The following INTS13 variants were observed in gnomAD, a reference collection of about 807,000 sequenced individuals.
INTS13 encodes the protein asunder, spermatogenesis regulator homolog (Drosphila).
A neutral mutation model predicts 90.2 loss-of-function variants in INTS13; 35 were observed. The ratio of observed to expected loss-of-function variants is 0.39; its 90% CI spans 0.30 to 0.51. The LOEUF is 0.51. INTS13 is among the 20% of genes least tolerant of loss of function. INTS13 has a pLI of 0.80. For missense variants in INTS13, 601 were observed against 851.2 expected (o/e 0.71, Z 3.66); for synonymous variants, 309 against 277.1 (o/e 1.11, Z -1.14).
Position 26,914,564 on chromosome 12 carries a change from A to G in INTS13, c.1263T>C (p.Phe421=). The change falls in exon 12 of 17, where the codon TTT becomes TTC. Residue 421 remains phenylalanine, a synonymous_variant. Coordinates refer to ENST00000261191, the MANE Select transcript of INTS13 (RefSeq NM_018164.3). ...AAGGAGTTAATCTGTTTTCCCTCAT[A>G]AATTCACCAAAATCCTAATGATAAC... ...TDYRITDFGE[F]MRENRLTPFL... 2 of 1,609,938 alleles carry G rather than the reference A, an allele frequency of 1.2e-6. No individual in the cohort carries two copies. Among genetic ancestry groups the G allele is most frequent in the Non-Finnish European group, 1.7e-6 (2 of 1,177,850 alleles).
chr12:26,918,773 T>C (rs1458125940), intron 8 of INTS13, among the ~76,000 whole-genome samples: 5 of 152,200 alleles, frequency 3.3e-5, no homozygotes, highest in Non-Finnish European at 7.4e-5. Flanking sequence ...TACAGTGCTA[T>C]GAGTGCCTGT....
intron 5 of INTS13, among the ~76,000 whole-genome samples, 176 bp downstream of exon 5, chr12:26,928,029 A>T (rs932467372): frequency 6.7e-6 from 1 of 150,238 alleles, no homozygotes; most frequent in Non-Finnish European, 1.5e-5. Flanking sequence ...GAGAAAAGTA[A>T]ATTAAAGTGA....
chr12:26,906,508 C>T, intron 15 of INTS13, 71 bp from the exon 16 acceptor site: 1 of 1,445,618 alleles, frequency 6.9e-7, no homozygotes, highest in Non-Finnish European at 9.4e-7. Flanking sequence ...TTCCAAATTT[C>T]CAAACTTACC....
chr12:26,924,985 A>C (rs1172349179), intron 6 of INTS13, among the ~76,000 whole-genome samples: 2 of 152,158 alleles, frequency 1.3e-5, no homozygotes, highest in Non-Finnish European at 2.9e-5. Flanking sequence ...ATAACACAAA[A>C]TCTTACTCAT....
intron 1 of INTS13, among the ~76,000 whole-genome samples, chr12:26,937,194 G>T (rs1483612341): frequency 6.6e-6 from 1 of 152,124 alleles, no homozygotes; most frequent in Non-Finnish European, 1.5e-5. Flanking sequence ...CTTGCTAATT[G>T]ACATTAGTCA....
chr12:26,936,717 C>T lies in INTS13; in HGVS notation c.87G>A (p.Glu29=). 2 of 1,613,996 alleles carry T rather than the reference C, an allele frequency of 1.2e-6. No individual in the cohort carries two copies. Among genetic ancestry groups the T allele is most frequent in the Non-Finnish European group, 1.7e-6 (2 of 1,179,906 alleles). The change falls in exon 2 of 17, where the codon GAG becomes GAA. Residue 29 remains glutamate (E), a synonymous_variant. Coordinates refer to ENST00000261191, the MANE Select transcript of INTS13 (RefSeq NM_018164.3). ...YMAESCRQHV[E]FDMLVKNRTQ... is the part of the protein sequence containing the mutation. ...TTCTATTCTTCACCAGCATATCAAA[C>T]TCGACATGCTGCCTGCAAGATTCTG...
intron 3 of INTS13, among the ~76,000 whole-genome samples, chr12:26,933,413 C>A (rs962009908): frequency 3.3e-5 from 5 of 151,866 alleles, no homozygotes; most frequent in African/African-American, 9.7e-5. Context: ...GCTTTCAGTG[C>A]GAAATTATAA....
At chr12:26,908,981 G>T (rs1391828336) in intron 15 of INTS13, among the ~76,000 whole-genome samples, 1 of 152,114 alleles carries the variant, frequency 6.6e-6, no homozygotes, top group Non-Finnish European at 1.5e-5. Flanking sequence ...TTAAAATTGA[G>T]ATCACAGTAC....
At chr12:26,909,351 A>T (rs1325594834) in intron 15 of INTS13, among the ~76,000 whole-genome samples, 13 of 151,862 alleles carry the variant, frequency 8.6e-5, no homozygotes, top group Non-Finnish European at 1.6e-4. Context: ...ACAAGAGTGG[A>T]CTCCATCTCA....
chr12:26,911,877 C>T (rs1286384632), intron 14 of INTS13, among the ~76,000 whole-genome samples: 2 of 152,134 alleles, frequency 1.3e-5, no homozygotes, highest in African/African-American at 4.8e-5. Flanking sequence ...TTACAGTGAG[C>T]CAGTAGTGTT....
intron 8 of INTS13, among the ~76,000 whole-genome samples, chr12:26,919,689 CAT>C (rs1309519853): frequency 6.6e-6 from 1 of 152,122 alleles, no homozygotes; most frequent in Non-Finnish European, 1.5e-5. Context: ...TTCTGCCTTA[CAT>C]AAATGAACAG....
At chr12:26,929,295 A>G (rs1938058553) in intron 3 of INTS13, among the ~76,000 whole-genome samples, 1 of 152,238 alleles carries the variant, frequency 6.6e-6, no homozygotes, top group South Asian at 2.1e-4. Context: ...ACCTACTGAT[A>G]ACATCATACT....
chr12:26,911,085 T>G, intron 15 of INTS13, 93 bp downstream of exon 15: 1 of 1,393,344 alleles, frequency 7.2e-7, no homozygotes, highest in Non-Finnish European at 9.6e-7. Context: ...TCTGCTTGCC[T>G]CAGCCTCCCA....
chr12:26,934,524 A>G (rs759893726), intron 3 of INTS13, 32 bp downstream of exon 3: 1 of 1,461,476 alleles, frequency 6.8e-7, no homozygotes, highest in Non-Finnish European at 9.5e-7. Context: ...TAGATAATTT[A>G]CAAATGGCCA....
Position 26,922,617 on chromosome 12 carries a change from A to G in INTS13, c.888T>C (p.Ser296=). The G allele has an allele frequency of 6.3e-7, 1 of 1,587,722 alleles. No homozygotes were observed. The highest frequency in any genetic ancestry group is 1.7e-4 in the Middle Eastern group (1 of 5,988). Residue 296 remains serine, a splice_region_variant and synonymous_variant, in exon 8 of 17, where the codon AGT becomes AGC. Coordinates refer to ENST00000261191, the MANE Select transcript of INTS13 (RefSeq NM_018164.3). Reference sequence around the variant, plus strand: ...ATAATACTTTCAAATGTCTCTTACCACTTTTCAGGAAATCTACATGTGCAT... The same window carrying G: ...ATAATACTTTCAAATGTCTCTTACCGCTTTTCAGGAAATCTACATGTGCAT... ...HKDAHVDFLK[S]GDSHLGGGSR...
At chr12:26,937,629 C>G (rs191259944) in intron 1 of INTS13, 167 bp downstream of exon 1, 1 of 152,382 alleles carries the variant, frequency 6.6e-6, no homozygotes, top group Admixed American at 6.5e-5. Context: ...TCAAAACGAA[C>G]TGATTTCTTA....
chr12:26,909,349 G>C (rs1951707206), intron 15 of INTS13, among the ~76,000 whole-genome samples: 2 of 151,924 alleles, frequency 1.3e-5, no homozygotes, highest in Non-Finnish European at 2.9e-5. Flanking sequence ...CAACAAGAGT[G>C]GACTCCATCT....
In INTS13 at chr12:26,913,605, C is replaced by T; in HGVS notation, c.1657G>A (p.Val553Ile). The stretch of plus-strand genomic sequence containing the variant: ...CTGCATGCCATCAGACATTCCAAGA[C>T]TCTTTGATGTTTCTCTGAGTTGTTG... ...HINNSEKHQR[V>I]LECLMACRSK... is the part of the protein sequence containing the mutation. The change falls in exon 14 of 17, where the codon GTC (valine) becomes ATC (isoleucine). Residue 553 changes from valine to isoleucine, a missense_variant. This residue lies in a region of INTS13 where 228 missense variants were observed against 272.5 expected (regional missense o/e 0.84). Transcript: ENST00000261191. The T allele has an allele frequency of 6.2e-7, 1 of 1,614,126 alleles. No individual in the cohort carries two copies. Among genetic ancestry groups the T allele is most frequent in the Non-Finnish European group, 8.5e-7 (1 of 1,180,024 alleles).
rs919723991 is a variant in INTS13, at chr12:26,931,209, G to A, written c.301-2304C>T. On this transcript the variant is annotated intron_variant, in intron 3 of 16. Transcript: ENST00000261191. ...TGTAATCCCAGCCCTTTGGGAGGCCGAGGCAGGCAGATCGCTTGAGGTTAG... is the reference window on the plus strand; with the variant it reads ...TGTAATCCCAGCCCTTTGGGAGGCCAAGGCAGGCAGATCGCTTGAGGTTAG... Among the ~76,000 whole-genome samples the A allele has an allele frequency of 1.9e-4, 29 of 151,986 alleles. No homozygotes were observed. The South Asian group carries it at 2.7e-3, about 14-fold the overall frequency.
Sources: gnomAD v4.1 joint callset for allele counts (sites outside exome capture counted in the v4.1 genomes callset) on GRCh38, gnomAD v4.1.1 for gene constraint, gnomAD v4.1.1 regional missense constraint, MANE v1.5 for transcripts, NCBI Gene and HGNC (gene_info 2026-07-23, HGNC 2026-07-21) for gene names.